The following MECOM variants were observed in gnomAD, a reference collection of about 807,000 sequenced individuals.
MECOM encodes the protein histone-lysine N-methyltransferase MECOM.
MECOM carries 13 observed loss-of-function variants against 116.3 expected under a neutral mutation model. The ratio of observed to expected loss-of-function variants is 0.11; its 90% CI spans 0.07 to 0.18. The LOEUF is 0.18. Ranked by LOEUF, MECOM falls within the 10% of genes least tolerant of loss-of-function variation. The pLI is 1.00. For missense variants in MECOM, 1,299 were observed against 1,509.0 expected (o/e 0.86, Z 2.31); for synonymous variants, 528 against 535.2 (o/e 0.99, Z 0.19).
intron 2 of MECOM, among the ~76,000 whole-genome samples, chr3:169,194,756 C>A (rs1748192318): frequency 6.6e-6 from 1 of 152,050 alleles, no homozygotes; most frequent in African/African-American, 2.4e-5. Context: ...AAGTTGCAGT[C>A]AGTCTTTCAA....
At chr3:169,220,676 T>C (rs1752023908) in intron 2 of MECOM, among the ~76,000 whole-genome samples, 1 of 152,130 alleles carries the variant, frequency 6.6e-6, no homozygotes, top group Admixed American at 6.6e-5. Context: ...GATTTCTCCA[T>C]GTTGGCTAGG....
chr3:169,389,149 G>A (rs1733852675), intron 1 of MECOM, among the ~76,000 whole-genome samples: 1 of 152,138 alleles, frequency 6.6e-6, no homozygotes, highest in South Asian at 2.1e-4. Context: ...AATATGATTT[G>A]GGAATTAAAC....
chr3:169,653,146 T>G (rs1016676805), intron 1 of MECOM, among the ~76,000 whole-genome samples: 2 of 152,222 alleles, frequency 1.3e-5, no homozygotes, highest in East Asian at 1.9e-4. Context: ...GGATTTAGTA[T>G]GCACTTGAAA....
intron 1 of MECOM, among the ~76,000 whole-genome samples, chr3:169,553,743 T>C (rs1216321368): frequency 6.6e-6 from 1 of 152,236 alleles, no homozygotes; most frequent in Admixed American, 6.5e-5. Flanking sequence ...TTGCAGATGA[T>C]CACTTTCTCT....
chr3:169,226,189 A>G (rs1240955187), intron 2 of MECOM, among the ~76,000 whole-genome samples: 2 of 152,098 alleles, frequency 1.3e-5, no homozygotes, highest in African/African-American at 4.8e-5. Flanking sequence ...GCTGGTGCAA[A>G]GAGGTAAAAT....
rs375839908 is a variant in MECOM, at chr3:169,483,724, A to G, written c.38-102200T>C. On this transcript the variant is annotated intron_variant, in intron 1 of 16. Coordinates refer to ENST00000651503, the MANE Select transcript of MECOM (RefSeq NM_004991.4). Reference sequence around the variant, plus strand: ...TCCTGGTTAATCTGGAAGTAACGTAATTCGTAACTCTCTTTGCTGTTAGCA... The same window carrying G: ...TCCTGGTTAATCTGGAAGTAACGTAGTTCGTAACTCTCTTTGCTGTTAGCA... The G allele has an allele frequency of 1.2e-3, 1,974 of 1,587,202 alleles. 27 individuals are homozygous for G. In the African/African-American group the frequency reaches 0.023, roughly 19 times the overall value.
intron 1 of MECOM, among the ~76,000 whole-genome samples, chr3:169,534,277 C>G (rs1327979988): frequency 6.7e-6 from 1 of 148,202 alleles, no homozygotes; most frequent in Non-Finnish European, 1.5e-5. Context: ...TCTACTCATT[C>G]CTAAAAATAG....
intron 1 of MECOM, among the ~76,000 whole-genome samples, chr3:169,646,355 C>G (rs1459409834): frequency 3.3e-5 from 5 of 151,332 alleles, no homozygotes; most frequent in African/African-American, 1.2e-4. Context: ...GGAGACATAC[C>G]TAATGTAAAT....
At chr3:169,231,558 A>G (rs186951429) in intron 2 of MECOM, among the ~76,000 whole-genome samples, 2 of 152,244 alleles carry the variant, frequency 1.3e-5, no homozygotes, top group African/African-American at 4.8e-5. Context: ...GTAGTCAGAG[A>G]AAACAGCTGT....
intron 1 of MECOM, among the ~76,000 whole-genome samples, chr3:169,651,765 C>T (rs1241133435): frequency 1.3e-5 from 2 of 151,890 alleles, no homozygotes; most frequent in African/African-American, 4.8e-5. Flanking sequence ...ATCACTAGTA[C>T]CCCAGTAACC....
chr3:169,214,208 AT>A lies in MECOM; in HGVS notation c.376-70377del, dbSNP rs1751134673. On this transcript the variant is annotated intron_variant, in intron 2 of 16. Coordinates refer to ENST00000651503, the MANE Select transcript of MECOM (RefSeq NM_004991.4). ...TTTTTTTAAACTAACATGTATGAACATCAGTGGAAATTAGCAGGCCTCACTC... is the reference window on the plus strand; with the variant it reads ...TTTTTTTAAACTAACATGTATGAACACAGTGGAAATTAGCAGGCCTCACTC... 1.3e-5 allele frequency among the ~76,000 whole-genome samples: 2 copies of A among 152,106 alleles called. 1 individual carries two copies. Among genetic ancestry groups the A allele is most frequent in the South Asian group, 4.1e-4 (2 of 4,824 alleles).
chr3:169,393,938 T>C (rs1294585536), intron 1 of MECOM, among the ~76,000 whole-genome samples: 1 of 152,176 alleles, frequency 6.6e-6, no homozygotes, highest in Non-Finnish European at 1.5e-5. Context: ...GATAAAGCCA[T>C]GTAAATCTAT....
intron 1 of MECOM, among the ~76,000 whole-genome samples, chr3:169,645,444 A>G (rs1401940860): frequency 1.3e-5 from 2 of 152,212 alleles, no homozygotes; most frequent in Non-Finnish European, 2.9e-5. Context: ...CCTCCCTCAT[A>G]AAACAGCTGC....
intron 1 of MECOM, among the ~76,000 whole-genome samples, chr3:169,574,935 C>T (rs1160821924): frequency 6.6e-6 from 1 of 152,060 alleles, no homozygotes; most frequent in African/African-American, 2.4e-5. Flanking sequence ...ACCCAAAAAG[C>T]ATAATCTTTC....
rs183415587 is a variant in MECOM, at chr3:169,583,715, A to C, written c.37+79621T>G. 3.6e-3 allele frequency among the ~76,000 whole-genome samples: 550 copies of C among 151,012 alleles called. 6 individuals carry two copies. Among genetic ancestry groups the C allele is most frequent in the African/African-American group, 0.013 (533 of 41,180 alleles). On this transcript the variant is annotated intron_variant, in intron 1 of 16. Coordinates refer to ENST00000651503, the MANE Select transcript of MECOM (RefSeq NM_004991.4). ...GTCACCCAGATTGGATGCAAACAGA[A>C]CTCACTACAGCCTCTACCTCCTGGA...
chr3:169,490,796 G>A (rs578158348), intron 1 of MECOM, among the ~76,000 whole-genome samples: 1 of 152,298 alleles, frequency 6.6e-6, no homozygotes, highest in Admixed American at 6.5e-5. Flanking sequence ...TTTTGCAAAA[G>A]AGAGTTTGTT....
At chr3:169,372,708 A>T (rs1730345765) in intron 2 of MECOM, among the ~76,000 whole-genome samples, 1 of 152,032 alleles carries the variant, frequency 6.6e-6, no homozygotes, top group Non-Finnish European at 1.5e-5. Flanking sequence ...TGTCTTGTTA[A>T]CATTTATTGG....
intron 8 of MECOM, among the ~76,000 whole-genome samples, chr3:169,113,541 A>G (rs1229091216): frequency 1.3e-5 from 2 of 151,800 alleles, no homozygotes. Flanking sequence ...GTGAGAAGAG[A>G]ATGGGGAGCT....
chr3:169,254,846 G>A (rs966946884), intron 2 of MECOM, among the ~76,000 whole-genome samples: 16 of 152,070 alleles, frequency 1.1e-4, no homozygotes, highest in African/African-American at 1.7e-4. Context: ...GGTACAAACA[G>A]AAGGGCAGGA....
Sources: gnomAD v4.1 joint callset for allele counts (sites outside exome capture counted in the v4.1 genomes callset) on GRCh38, gnomAD v4.1.1 for gene constraint, MANE v1.5 for transcripts, NCBI Gene and HGNC (gene_info 2026-07-23, HGNC 2026-07-21) for gene names.